PPM1H: variants seen among roughly 807,000 people sequenced by gnomAD.
The protein encoded by PPM1H is protein phosphatase, Mg2+/Mn2+ dependent 1H.
PPM1H carries 27 observed loss-of-function variants against 54.9 expected under a neutral mutation model. The observed-to-expected ratio is 0.49, with a 90% CI of 0.36 to 0.68. PPM1H has a LOEUF of 0.68. PPM1H is among the 30% of genes least tolerant of loss of function. PPM1H has a pLI of 0.00. For synonymous variants in PPM1H, 305 were observed against 270.8 expected (o/e 1.13, Z -1.24); for missense variants, 596 against 667.8 (o/e 0.89, Z 1.19).
rs772515843 is a variant in PPM1H, at chr12:62,648,617, C to T, written c.1417G>A (p.Asp473Asn). The change falls in exon 10 of 10, where the codon GAC becomes AAC. Residue 473 changes from aspartate to asparagine, a missense_variant. Asp to Asn is a conservative substitution (Grantham distance 23). Around this residue, in one of 3 missense-constraint regions of PPM1H, gnomAD observed 208 missense variants for 259.5 expected, o/e 0.80. Transcript: ENST00000228705. ...DPHRYTLAAQDLVMRARGVLK... is the reference protein window; with the variant it reads ...DPHRYTLAAQNLVMRARGVLK... ...ACACCCCGGGCACGCATCACCAGGT[C>T]CTGAGCTGCCAGTGTGTACCTACAC... is the stretch of plus-strand genomic sequence containing the variant. 3 of 1,613,940 alleles carry T rather than the reference C, an allele frequency of 1.9e-6. No homozygotes were observed. Among genetic ancestry groups the T allele is most frequent in the East Asian group, 2.2e-5 (1 of 44,876 alleles).
Position 62,801,962 on chromosome 12 carries a change from G to A in PPM1H, c.610C>T (p.Arg204Trp), listed in dbSNP as rs756709628. 7 of 1,612,712 alleles carry A rather than the reference G, an allele frequency of 4.3e-6. No individual in the cohort carries two copies. Among genetic ancestry groups the A allele is most frequent in the South Asian group, 3.3e-5 (3 of 91,010 alleles). ...AGGGAGGCTGCCCGGGTCAGAGTCC[G>A]GCTGTTGGCGGGCGTGTTCTCAGGC... ...EEPENTPANS[R>W]TLTRAASLRG... is the part of the protein sequence containing the mutation. Residue 204 changes from arginine to tryptophan, a missense_variant, in exon 3 of 10, where the codon CGG (arginine) becomes TGG (tryptophan). By Grantham distance (101) the Arg-to-Trp change is moderately radical (BLOSUM62 -3). This residue lies in a region of PPM1H where 382 missense variants were observed against 387.1 expected (regional missense o/e 0.99). Transcript: ENST00000228705.
At position 62,880,414 on chromosome 12, in the gene PPM1H, A is replaced by C. The variant is rs116844605; in HGVS notation, c.246-48135T>G. 5.6e-3 allele frequency among the ~76,000 whole-genome samples: 848 copies of C among 152,300 alleles called. 9 individuals are homozygous for C. The highest frequency in any genetic ancestry group is 0.033 in the South Asian group (157 of 4,826). ...CTTTGTGAACCCTTGCTGAGCCCCA[A>C]GACTAGATCGGGGGGCTTCCCCTGC... On this transcript the variant is annotated intron_variant, in intron 1 of 9. Transcript: ENST00000228705.
chr12:62,666,648 C>A (rs963768994), intron 9 of PPM1H, among the ~76,000 whole-genome samples: 5 of 152,142 alleles, frequency 3.3e-5, no homozygotes, highest in Admixed American at 6.5e-5. Flanking sequence ...TAAACAAACA[C>A]TCAAATTCTT....
intron 4 of PPM1H, among the ~76,000 whole-genome samples, chr12:62,782,012 T>G (rs1255386929): frequency 6.6e-6 from 1 of 152,166 alleles, no homozygotes; most frequent in Admixed American, 6.5e-5. Context: ...GAAGAGTTGT[T>G]GATTTTGTTT....
At chr12:62,907,647 G>T (rs1484579379) in intron 1 of PPM1H, among the ~76,000 whole-genome samples, 2 of 152,178 alleles carry the variant, frequency 1.3e-5, no homozygotes, top group African/African-American at 4.8e-5. Flanking sequence ...TACACAGAAG[G>T]CTGTATCATT....
At chr12:62,817,137 G>GAAAAAAAAAAAAAATAAAAAAAAAAAAA (rs748440124) in intron 2 of PPM1H, among the ~76,000 whole-genome samples, 4 of 67,358 alleles carry the variant, frequency 5.9e-5, no homozygotes, top group Admixed American at 1.9e-4. Context: ...AAAAAAAAAA[G>GAAAAAAAAAAAAAATAAAAAAAAAAAAA]AAAAAAAAAA....
chr12:62,872,989 C>CT (rs1490129546), intron 1 of PPM1H, among the ~76,000 whole-genome samples: 5 of 152,166 alleles, frequency 3.3e-5, no homozygotes, highest in Non-Finnish European at 7.4e-5. Context: ...CATAACAACC[C>CT]TTTAAGACTG....
intron 4 of PPM1H, among the ~76,000 whole-genome samples, chr12:62,764,900 G>A (rs185125210): frequency 6.6e-6 from 1 of 152,350 alleles, no homozygotes; most frequent in East Asian, 1.9e-4. Flanking sequence ...GGTGGCGGAT[G>A]CTCGGCCTGT....
intron 2 of PPM1H, among the ~76,000 whole-genome samples, chr12:62,809,030 G>A (rs985443694): frequency 6.6e-6 from 1 of 152,164 alleles, no homozygotes; most frequent in African/African-American, 2.4e-5. Flanking sequence ...ATTTTCAAAG[G>A]TGGAATGATC....
At position 62,904,715 on chromosome 12, in the gene PPM1H, G is replaced by A. The variant is rs116392374; in HGVS notation, c.245+29777C>T. 3.8e-3 allele frequency among the ~76,000 whole-genome samples: 580 copies of A among 152,294 alleles called. 5 individuals carry two copies. Among genetic ancestry groups the A allele is most frequent in the Middle Eastern group, 0.014 (4 of 294 alleles). On this transcript the variant is annotated intron_variant, in intron 1 of 9. Transcript: ENST00000228705. ...TTTAAAGCTACGGAGGTTGGTGTGA[G>A]CTATTCAGAGGTCACCAGGACCATC...
At chr12:62,714,343 G>T (rs1184194643) in intron 6 of PPM1H, among the ~76,000 whole-genome samples, 1 of 152,220 alleles carries the variant, frequency 6.6e-6, no homozygotes, top group Non-Finnish European at 1.5e-5. Flanking sequence ...GCTGAAAGGA[G>T]AAAATGGGCT....
chr12:62,929,259 A>G (rs1872059134), intron 1 of PPM1H, among the ~76,000 whole-genome samples: 1 of 152,214 alleles, frequency 6.6e-6, no homozygotes, highest in African/African-American at 2.4e-5. Flanking sequence ...CATGGGACCA[A>G]TGCTGGACAC....
chr12:62,648,378 T>C lies in PPM1H; in HGVS notation c.*111A>G. 7.3e-7 allele frequency: 1 copy of C among 1,374,724 alleles called. No individual in the cohort carries two copies. Among genetic ancestry groups the C allele is most frequent in the Non-Finnish European group, 1.0e-6 (1 of 997,354 alleles). The allele number at this position is 1,374,724 out of a possible 1,614,324, so 85.2% of individuals were successfully genotyped here. On this transcript the variant is annotated 3_prime_UTR_variant, in exon 10 of 10. Coordinates refer to ENST00000228705, the MANE Select transcript of PPM1H (RefSeq NM_020700.2). ...TTGGCCATGAACTCCCCGCTTGGGC[T>C]GGGAAGAGACTGCATCACTTGGAAC...
chr12:62,696,900 A>G lies in PPM1H; in HGVS notation c.1074-2901T>C, dbSNP rs548141843. 5.3e-4 allele frequency among the ~76,000 whole-genome samples: 81 copies of G among 152,310 alleles called. 1 individual carries two copies. Among genetic ancestry groups the G allele is most frequent in the African/African-American group, 1.9e-3 (80 of 41,552 alleles). On this transcript the variant is annotated intron_variant, in intron 6 of 9. Coordinates refer to ENST00000228705, the MANE Select transcript of PPM1H (RefSeq NM_020700.2). ...TGTGATATCAGGACTTAGCTTTGGG[A>G]ATTTCTCATTCTAGTCCGAGTCTGA... is the stretch of plus-strand genomic sequence containing the variant.
At chr12:62,783,579 C>T (rs937098079) in intron 4 of PPM1H, among the ~76,000 whole-genome samples, 4 of 152,200 alleles carry the variant, frequency 2.6e-5, no homozygotes, top group African/African-American at 9.7e-5. Context: ...AAACCAGTTC[C>T]CCTCACTGGG....
At chr12:62,744,770 A>G (rs1038843181) in intron 4 of PPM1H, among the ~76,000 whole-genome samples, 6 of 152,126 alleles carry the variant, frequency 3.9e-5, no homozygotes, top group African/African-American at 7.2e-5. Context: ...AGCCGCCAGG[A>G]CAGCTGCAGC....
intron 8 of PPM1H, among the ~76,000 whole-genome samples, chr12:62,685,812 AAT>A (rs2076047864): frequency 6.6e-6 from 1 of 152,238 alleles, no homozygotes; most frequent in Non-Finnish European, 1.5e-5. Flanking sequence ...TGAAGTGATG[AAT>A]ATGTTAATTA....
intron 8 of PPM1H, among the ~76,000 whole-genome samples, chr12:62,677,266 G>A (rs1309669469): frequency 6.6e-6 from 1 of 152,134 alleles, no homozygotes; most frequent in Non-Finnish European, 1.5e-5. Context: ...CCTGGATGTG[G>A]GACAAGAACT....
chr12:62,646,866 G>C lies in PPM1H; in HGVS notation c.*1623C>G, dbSNP rs1054075491. 2 of 152,204 alleles carry C rather than the reference G, an allele frequency of 1.3e-5. No homozygotes were observed. Among genetic ancestry groups the C allele is most frequent in the African/African-American group, 4.8e-5 (2 of 41,450 alleles). The allele number at this position is 152,204 out of a possible 1,614,324, so 9.4% of individuals were successfully genotyped here. A position where few individuals can be genotyped will look rare whatever the true frequency, so the allele number is the denominator to read the frequency against. ...GAAATGCAGGTGATTTACTGCCCTG[G>C]AGGAGAGGTTCCTATCCTCTCCTCT... On this transcript the variant is annotated 3_prime_UTR_variant, in exon 10 of 10. Transcript: ENST00000228705.
Sources: gnomAD v4.1 joint callset for allele counts (sites outside exome capture counted in the v4.1 genomes callset) on GRCh38, gnomAD v4.1.1 for gene constraint, gnomAD v4.1.1 regional missense constraint, MANE v1.5 for transcripts, NCBI Gene and HGNC (gene_info 2026-07-23, HGNC 2026-07-21) for gene names.